The following EHBP1 variants were observed in gnomAD, a reference collection of about 807,000 sequenced individuals.
The protein encoded by EHBP1 is EH domain binding protein 1, also known as EH domain-binding protein 1.
EHBP1 carries 55 observed loss-of-function variants against 144.0 expected under a neutral mutation model. That is an observed-to-expected ratio of 0.38 (90% CI 0.31 to 0.48). EHBP1 has a LOEUF of 0.48. EHBP1 is among the 20% of genes least tolerant of loss of function. The probability of loss-of-function intolerance (pLI) is 0.98; values close to 1 mark genes in which losing one functional copy is unlikely to be tolerated. For synonymous variants in EHBP1, 469 were observed against 472.7 expected, an observed-to-expected ratio of 0.99 and a Z score of 0.10; for missense variants, 1,200 against 1,364.2, an observed-to-expected ratio of 0.88 and a Z score of 1.90.
chr2:62,993,948 A>G lies in EHBP1; in HGVS notation c.2950A>G (p.Arg984Gly). ...EEKAAITETQ[R>G]KPSEDEVLNK... is the part of the protein sequence containing the mutation. ...GAAGGCAGCGATAACTGAAACTCAG[A>G]GGAAGCCATCAGAAGATGAAGTGCT... is the stretch of plus-strand genomic sequence containing the variant. The change falls in exon 18 of 23, where the codon AGG becomes GGG. Residue 984 changes from arginine to glycine, a missense_variant. By Grantham distance (125) the Arg-to-Gly change is moderately radical (BLOSUM62 -2). This residue lies in a region of EHBP1 where 543 missense variants were observed against 513.1 expected (regional missense o/e 1.06). Transcript: ENST00000431489. 1 of 1,585,708 alleles carries G rather than the reference A, an allele frequency of 6.3e-7. No homozygotes were observed. The highest frequency in any genetic ancestry group is 1.2e-5 in the South Asian group (1 of 86,638).
chr2:62,689,435 G>C (rs2033831163), intron 1 of EHBP1, among the ~76,000 whole-genome samples: 1 of 152,184 alleles, frequency 6.6e-6, no homozygotes, highest in African/African-American at 2.4e-5. Flanking sequence ...TTGAGGCCAG[G>C]AGTTCAAGAC....
chr2:62,738,484 TCAAA>T (rs1001227597), intron 2 of EHBP1, among the ~76,000 whole-genome samples: 1 of 152,172 alleles, frequency 6.6e-6, no homozygotes, highest in Admixed American at 6.5e-5. Context: ...AAAATCCCCC[TCAAA>T]CAGTTAAACA....
intron 7 of EHBP1, among the ~76,000 whole-genome samples, chr2:62,848,178 A>G (rs1313604191): frequency 2.7e-5 from 4 of 150,862 alleles, no homozygotes; most frequent in African/African-American, 4.9e-5. Flanking sequence ...TCCCAGGTTC[A>G]AGCGGTTCTT....
At chr2:62,993,788 T>A in intron 17 of EHBP1, 83 bp from the exon 18 acceptor site, 1 of 1,083,746 alleles carries the variant, frequency 9.2e-7, no homozygotes, top group Non-Finnish European at 1.3e-6. Context: ...ATGTATATAA[T>A]CTGGTAATGT....
chr2:62,908,436 T>C (rs1341398272), intron 10 of EHBP1, among the ~76,000 whole-genome samples: 1 of 152,116 alleles, frequency 6.6e-6, no homozygotes, highest in Non-Finnish European at 1.5e-5. Flanking sequence ...TCTCTATTTT[T>C]TTCTTTCTGC....
At chr2:62,997,815 C>G (rs1341220293) in intron 19 of EHBP1, among the ~76,000 whole-genome samples, 1 of 152,052 alleles carries the variant, frequency 6.6e-6, no homozygotes, top group Non-Finnish European at 1.5e-5. Context: ...TAGGCTTTAT[C>G]TGGGACAGTG....
At chr2:62,976,213 C>G (rs181743980) in intron 14 of EHBP1, among the ~76,000 whole-genome samples, 1 of 152,122 alleles carries the variant, frequency 6.6e-6, no homozygotes, top group Admixed American at 6.5e-5. Context: ...CTACTGGGTT[C>G]TTCTAATTGG....
At chr2:62,943,075 T>G (rs1009443268) in intron 11 of EHBP1, among the ~76,000 whole-genome samples, 179 bp downstream of exon 11, 2 of 152,188 alleles carry the variant, frequency 1.3e-5, no homozygotes, top group African/African-American at 4.8e-5. Flanking sequence ...AAAACAATCT[T>G]TTCTCTTTTT....
chr2:62,947,639 T>A (rs897441033), intron 12 of EHBP1, among the ~76,000 whole-genome samples: 6 of 151,914 alleles, frequency 3.9e-5, no homozygotes, highest in African/African-American at 1.4e-4. Flanking sequence ...TGTGCCACAG[T>A]CATTTAAAGG....
intron 19 of EHBP1, among the ~76,000 whole-genome samples, chr2:62,998,226 C>A (rs565550411): frequency 2.6e-5 from 4 of 152,150 alleles, no homozygotes; most frequent in Non-Finnish European, 5.9e-5. Flanking sequence ...GTATATCATT[C>A]CCCTAATAAG....
At chr2:62,882,056 G>A (rs1486052166) in intron 10 of EHBP1, among the ~76,000 whole-genome samples, 4 of 152,164 alleles carry the variant, frequency 2.6e-5, no homozygotes, top group Admixed American at 1.3e-4. Context: ...TTTTTCTCAA[G>A]GACATTGAAG....
At chr2:62,975,935 C>CACAT (rs1491058043) in intron 14 of EHBP1, among the ~76,000 whole-genome samples, 1 of 134,286 alleles carries the variant, frequency 7.4e-6, no homozygotes, top group Non-Finnish European at 1.7e-5. Context: ...CACACACACA[C>CACAT]ATATATAGTA....
intron 10 of EHBP1, among the ~76,000 whole-genome samples, chr2:62,890,923 G>A (rs1477775900): frequency 2.0e-5 from 3 of 152,200 alleles, no homozygotes; most frequent in African/African-American, 2.4e-5. Flanking sequence ...GCTCACGCCT[G>A]TAATCCAGCA....
At position 62,684,288 on chromosome 2, in the gene EHBP1, A is replaced by G. The variant is rs1212264747; in HGVS notation, c.-296+10205A>G. On this transcript the variant is annotated intron_variant, in intron 1 of 22. Transcript: ENST00000405015. ...GCGACAATAAGTATCAAAGAGAGGT[A>G]GACTCCTTTCTGAGTGGAGGGATGG... Among the ~76,000 whole-genome samples, 4 of 151,818 alleles carry G rather than the reference A, an allele frequency of 2.6e-5. No individual in the cohort carries two copies. The East Asian group carries it at 5.8e-4, about 22-fold the overall frequency.
intron 3 of EHBP1, among the ~76,000 whole-genome samples, chr2:62,753,726 A>C (rs190649313): frequency 6.6e-6 from 1 of 151,508 alleles, no homozygotes; most frequent in East Asian, 1.9e-4. Context: ...TAAACTTCTC[A>C]CTTCATTTCA....
intron 3 of EHBP1, among the ~76,000 whole-genome samples, chr2:62,757,633 C>T (rs1449010455): frequency 2.0e-5 from 3 of 151,716 alleles, no homozygotes; most frequent in African/African-American, 7.3e-5. Context: ...GGGCTTTCAC[C>T]ATGTTGTTCA....
At chr2:62,677,103 G>C (rs548734317) in intron 1 of EHBP1, among the ~76,000 whole-genome samples, 1 of 152,278 alleles carries the variant, frequency 6.6e-6, no homozygotes, top group East Asian at 1.9e-4. Flanking sequence ...AGGGGAAAGA[G>C]AAAGATCACT....
intron 2 of EHBP1, among the ~76,000 whole-genome samples, chr2:62,730,101 A>G (rs894810579): frequency 2.6e-5 from 4 of 152,176 alleles, no homozygotes; most frequent in Non-Finnish European, 5.9e-5. Flanking sequence ...CTTTAAAACA[A>G]TTAATAGACT....
intron 7 of EHBP1, among the ~76,000 whole-genome samples, chr2:62,841,271 A>C (rs1318744500): frequency 1.4e-5 from 2 of 147,646 alleles, no homozygotes; most frequent in East Asian, 2.0e-4. Flanking sequence ...ATTCTCACTC[A>C]TAGGTGGGAA....
Sources: gnomAD v4.1 joint callset for allele counts (sites outside exome capture counted in the v4.1 genomes callset) on GRCh38, gnomAD v4.1.1 for gene constraint, gnomAD v4.1.1 regional missense constraint, MANE v1.5 for transcripts, NCBI Gene and HGNC (gene_info 2026-07-23, HGNC 2026-07-21) for gene names.